The following WRN variants were observed in gnomAD, a reference collection of about 807,000 sequenced individuals.
WRN encodes WRN RecQ like helicase, also known as bifunctional 3'-5' exonuclease/ATP-dependent helicase WRN.
WRN carries 149 observed loss-of-function variants against 180.7 expected under a neutral mutation model. That is an observed-to-expected ratio of 0.82 (90% CI 0.72 to 0.94). WRN has a LOEUF of 0.94. Among genes scored for constraint, WRN ranks in the 40% least tolerant of loss-of-function variants. The pLI is 0.00. For missense variants in WRN, 1,661 were observed against 1,700.1 expected, an observed-to-expected ratio of 0.98 and a Z score of 0.40; for synonymous variants, 548 against 568.9, an observed-to-expected ratio of 0.96 and a Z score of 0.52.
At chr8:31,154,342 A>G (rs1803282166) in intron 31 of WRN, among the ~76,000 whole-genome samples, 1 of 152,110 alleles carries the variant, frequency 6.6e-6, no homozygotes, top group South Asian at 2.1e-4. Flanking sequence ...TTCACATTAT[A>G]GTTCCTTTTT....
intron 34 of WRN, among the ~76,000 whole-genome samples, 162 bp downstream of exon 34, chr8:31,167,392 G>A (rs919233541): frequency 9.2e-5 from 14 of 151,850 alleles, no homozygotes; most frequent in Non-Finnish European, 1.8e-4. Flanking sequence ...TCTGAGAAAA[G>A]TGATTAAAAA....
chr8:31,061,274 G>A (rs1215605056), intron 3 of WRN, among the ~76,000 whole-genome samples: 1 of 151,682 alleles, frequency 6.6e-6, no homozygotes, highest in Non-Finnish European at 1.5e-5. Flanking sequence ...ATACCATCCT[G>A]TGAATTTCTT....
intron 31 of WRN, among the ~76,000 whole-genome samples, chr8:31,152,581 A>T (rs1300604904): frequency 2.6e-5 from 4 of 152,150 alleles, no homozygotes; most frequent in African/African-American, 9.7e-5. Flanking sequence ...TTATAGGAAG[A>T]TATAAATAGA....
In WRN at chr8:31,067,181, A is replaced by G. The variant is rs780640173; in HGVS notation, c.653A>G (p.Tyr218Cys). 1.2e-6 allele frequency: 2 copies of G among 1,613,572 alleles called. No homozygotes were observed. The highest frequency in any genetic ancestry group is 1.7e-6 in the Non-Finnish European group (2 of 1,179,928). The change falls in exon 6 of 35, where the codon TAT becomes TGT. Residue 218 changes from tyrosine to cysteine, a missense_variant and splice_region_variant. Around this residue, in one of 3 missense-constraint regions of WRN, gnomAD observed 500 missense variants for 504.1 expected, o/e 0.99. Transcript: ENST00000298139. ...DQKLYAATDA[Y>C]AGFIIYRNLE... The stretch of plus-strand genomic sequence containing the variant: ...AAACTGTATGCAGCCACTGATGCTT[A>G]TGTACGTGCTTAAAGATCTTTAGAA...
chr8:31,149,544 G>C (rs1252125938), intron 30 of WRN, among the ~76,000 whole-genome samples: 1 of 112,046 alleles, frequency 8.9e-6, no homozygotes, highest in Non-Finnish European at 1.7e-5. Context: ...GCGCGATCTC[G>C]GCTCACTGCA....
At chr8:31,076,415 C>G in intron 8 of WRN, 128 bp downstream of exon 8, 3 of 716,428 alleles carry the variant, frequency 4.2e-6, no homozygotes, top group East Asian at 2.7e-5. Flanking sequence ...TACACACACA[C>G]AGACTGATGC....
At chr8:31,152,787 C>T (rs551249733) in intron 31 of WRN, among the ~76,000 whole-genome samples, 153 of 152,246 alleles carry the variant, frequency 1.0e-3, no homozygotes, top group African/African-American at 3.6e-3. Context: ...GCCTGTAATC[C>T]CAGCACTTTG....
At chr8:31,082,040 T>G (rs1194296581) in intron 9 of WRN, among the ~76,000 whole-genome samples, 3 of 152,174 alleles carry the variant, frequency 2.0e-5, no homozygotes, top group Non-Finnish European at 4.4e-5. Flanking sequence ...GAATTATAGG[T>G]GTGAGTCACT....
At chr8:31,059,343 A>T in intron 3 of WRN, 78 bp downstream of exon 3, 1 of 1,178,232 alleles carries the variant, frequency 8.5e-7, no homozygotes, top group East Asian at 2.3e-5. Context: ...TTGTGAATAT[A>T]CTGAGTTTTA....
rs1160530763 is a variant in WRN, at chr8:31,081,115, T to C, written c.1088T>C (p.Leu363Pro). The change falls in exon 9 of 35, where the codon CTT becomes CCT. Residue 363 changes from leucine to proline, a missense_variant. Around this residue, in one of 3 missense-constraint regions of WRN, gnomAD observed 500 missense variants for 504.1 expected, o/e 0.99. Coordinates refer to ENST00000298139, the MANE Select transcript of WRN (RefSeq NM_000553.6). Reference protein sequence around the residue: ...HLAKHDGEDVLGNKVERKEDG... With the variant: ...HLAKHDGEDVPGNKVERKEDG... ...GCTAAACATGATGGAGAAGATGTACTTGGAAATAAAGTGGAACGAAAAGAA... is the reference window on the plus strand; with the variant it reads ...GCTAAACATGATGGAGAAGATGTACCTGGAAATAAAGTGGAACGAAAAGAA... 1 of 1,614,028 alleles carries C rather than the reference T, an allele frequency of 6.2e-7. No homozygotes were observed. The highest frequency in any genetic ancestry group is 1.1e-5 in the South Asian group (1 of 91,080).
rs556227294 is a variant in WRN at position 31,081,094 on chromosome 8, A to G, written c.1067A>G (p.Lys356Arg). ...TWDPTLDHLA[K>R]HDGEDVLGNK... ...GACCCAACACTTGATCATTTAGCTA[A>G]ACATGATGGAGAAGATGTACTTGGA... The change falls in exon 9 of 35, where the codon AAA becomes AGA. Residue 356 changes from lysine to arginine, a missense_variant. This residue lies in a region of WRN where 500 missense variants were observed against 504.1 expected (regional missense o/e 0.99). Coordinates refer to ENST00000298139, the MANE Select transcript of WRN (RefSeq NM_000553.6). 60 of 1,614,104 alleles carry G rather than the reference A, an allele frequency of 3.7e-5. No homozygotes were observed. In the Admixed American group the frequency reaches 1.0e-3, roughly 27 times the overall value.
chr8:31,080,409 C>G (rs540478762), intron 8 of WRN, among the ~76,000 whole-genome samples: 1 of 151,888 alleles, frequency 6.6e-6, no homozygotes, highest in African/African-American at 2.4e-5. Context: ...TTATGATTTT[C>G]CTTGACACTT....
intron 18 of WRN, among the ~76,000 whole-genome samples, chr8:31,105,455 T>C (rs1305375155): frequency 1.7e-4 from 1 of 5,892 alleles, no homozygotes; most frequent in Admixed American, 3.2e-3. Context: ...TACAGTTTTA[T>C]GTTATTTTAT....
At position 31,133,481 on chromosome 8, in the gene WRN, T is replaced by A. The variant is rs1472608506; in HGVS notation, c.2967+975T>A. Among the ~76,000 whole-genome samples, 7 of 151,752 alleles carry A rather than the reference T, an allele frequency of 4.6e-5. No individual in the cohort carries two copies. In the East Asian group the frequency reaches 1.2e-3, roughly 25 times the overall value. ...CGGAGCTTGCAGTGAGCTGAGATTGTGCCACTGCACTCCAGCCTGCGCGAC... is the reference window on the plus strand; with the variant it reads ...CGGAGCTTGCAGTGAGCTGAGATTGAGCCACTGCACTCCAGCCTGCGCGAC... On this transcript the variant is annotated intron_variant, in intron 24 of 34. Coordinates refer to ENST00000298139, the MANE Select transcript of WRN (RefSeq NM_000553.6).
chr8:31,155,232 A>G (rs1045403323), intron 32 of WRN, among the ~76,000 whole-genome samples: 2 of 152,248 alleles, frequency 1.3e-5, no homozygotes, highest in African/African-American at 4.8e-5. Flanking sequence ...AGCATAGCCA[A>G]GCAACTGGAA....
At chr8:31,055,006 A>G (rs541569301) in intron 1 of WRN, among the ~76,000 whole-genome samples, 4 of 152,332 alleles carry the variant, frequency 2.6e-5, no homozygotes, top group South Asian at 4.1e-4. Context: ...TTTGCTGAGG[A>G]TAATGGATTC....
intron 18 of WRN, among the ~76,000 whole-genome samples, chr8:31,103,948 A>T (rs1388309091): frequency 3.9e-5 from 6 of 152,050 alleles, no homozygotes; most frequent in Non-Finnish European, 8.8e-5. Flanking sequence ...GTTAGCCAGG[A>T]TGGTCTCGAT....
chr8:31,134,604 A>G (rs181350981), intron 24 of WRN, among the ~76,000 whole-genome samples: 1 of 152,360 alleles, frequency 6.6e-6, no homozygotes, highest in East Asian at 1.9e-4. Context: ...CCTTAATTTT[A>G]TAGATTAGAA....
At chr8:31,077,432 C>T (rs1413832537) in intron 8 of WRN, among the ~76,000 whole-genome samples, 4 of 151,770 alleles carry the variant, frequency 2.6e-5, no homozygotes, top group Non-Finnish European at 4.4e-5. Flanking sequence ...TTAGTAGAGA[C>T]GGGGTTTCAC....
Sources: allele counts gnomAD v4.1 joint callset (sites outside exome capture counted in the v4.1 genomes callset), GRCh38; gene constraint gnomAD v4.1.1; regional missense constraint gnomAD v4.1.1; transcripts MANE v1.5; gene names NCBI Gene and HGNC (gene_info 2026-07-23, HGNC 2026-07-21).